The following CLCC1 variants were observed in gnomAD, a reference collection of about 807,000 sequenced individuals.
CLCC1 encodes the protein chloride channel CLIC-like protein 1.
Under a neutral mutation model 63.3 loss-of-function variants are expected in CLCC1, and 39 were observed. That is an observed-to-expected ratio of 0.62 (90% CI 0.48 to 0.81). The LOEUF (loss-of-function observed/expected upper bound fraction) is 0.81. Ranked by LOEUF, CLCC1 falls within the 30% of genes least tolerant of loss-of-function variation. The pLI is 0.00. For synonymous variants in CLCC1, 217 were observed against 239.8 expected, an observed-to-expected ratio of 0.90 and a Z score of 0.88; for missense variants, 549 against 669.4, an observed-to-expected ratio of 0.82 and a Z score of 1.98.
At chr1:108,954,862 C>T (rs839842) in intron 2 of CLCC1, among the ~76,000 whole-genome samples, 60,941 of 143,604 alleles carry the variant, frequency 0.42, 13,012 homozygotes, top group Admixed American at 0.45. Context: ...GACGGAGTTT[C>T]GCTCTTGTCG....
intron 11 of CLCC1, among the ~76,000 whole-genome samples, chr1:108,936,063 G>C (rs987515526): frequency 1.3e-5 from 2 of 148,710 alleles, no homozygotes; most frequent in African/African-American, 5.0e-5. Context: ...AACTATAAAA[G>C]CTGGAAGGAC....
intron 10 of CLCC1, among the ~76,000 whole-genome samples, chr1:108,939,307 T>A (rs974818975): frequency 1.4e-5 from 2 of 146,008 alleles, no homozygotes; most frequent in Non-Finnish European, 3.0e-5. Flanking sequence ...CATATATGTA[T>A]AATTTTTTTT....
At chr1:108,940,173 A>ATTTCTT (rs760148708) in intron 8 of CLCC1, 31 bp from the exon 9 acceptor site, 7 of 1,415,718 alleles carry the variant, frequency 4.9e-6, no homozygotes, top group Non-Finnish European at 6.9e-6. Flanking sequence ...AACACTGATC[A>ATTTCTT]TTTCTTTTAA....
At position 108,930,078 on chromosome 1, in the gene CLCC1, A is replaced by T; in HGVS notation, c.*2469T>A. 1.2e-6 allele frequency: 1 copy of T among 805,300 alleles called. No individual in the cohort carries two copies. 49.9% of individuals were successfully genotyped at this position (805,300 alleles called of 1,614,324 possible). ...ATGATGTAAATAGTTAACCTTCAGTAGTCTATTAAGGCATTAATACTTCTC... is the reference window on the plus strand; with the variant it reads ...ATGATGTAAATAGTTAACCTTCAGTTGTCTATTAAGGCATTAATACTTCTC... On this transcript the variant is annotated 3_prime_UTR_variant, in exon 13 of 13. Transcript: ENST00000369969.
chr1:108,956,523 T>C (rs1001384972), intron 2 of CLCC1, among the ~76,000 whole-genome samples: 5 of 150,702 alleles, frequency 3.3e-5, no homozygotes, highest in Admixed American at 2.0e-4. Context: ...TAGCCGGGCA[T>C]GGTGGCACGC....
rs766839697 is a variant in CLCC1 at position 108,943,434 on chromosome 1, T to C, written c.702+41A>G. 1.9e-6 allele frequency: 3 copies of C among 1,587,256 alleles called. No individual in the cohort carries two copies. In the Admixed American group the frequency reaches 5.1e-5, roughly 27 times the overall value. On this transcript the variant is annotated intron_variant, in intron 7 of 12. Transcript: ENST00000369969. ...GATTAGAGTCTTCTTTCATTGTGAATAAATGTGTTAAAATTGTAAAACCCT... is the reference window on the plus strand; with the variant it reads ...GATTAGAGTCTTCTTTCATTGTGAACAAATGTGTTAAAATTGTAAAACCCT...
intron 8 of CLCC1, among the ~76,000 whole-genome samples, chr1:108,940,977 C>T (rs1432738291): frequency 6.6e-6 from 1 of 151,776 alleles, no homozygotes; most frequent in African/African-American, 2.4e-5. Context: ...TAATTTTTCC[C>T]GTAGTTAAAA....
Position 108,931,002 on chromosome 1 carries a change from T to A in CLCC1, c.*1545A>T, listed in dbSNP as rs2101585636. ...AGGAGGTGGAGGCTGCACTGAGCTA[T>A]GATCGTGCCACTGCACTCCAGCCTG... On this transcript the variant is annotated 3_prime_UTR_variant, in exon 13 of 13. Transcript: ENST00000369969. 5.1e-6 allele frequency: 1 copy of A among 194,446 alleles called. No individual in the cohort carries two copies. Among genetic ancestry groups the A allele is most frequent in the East Asian group, 1.6e-4 (1 of 6,318 alleles). The allele number at this position is 194,446 out of a possible 1,614,324, so 12.0% of individuals were successfully genotyped here. A position where few individuals can be genotyped will look rare whatever the true frequency, so the allele number is the denominator to read the frequency against.
intron 2 of CLCC1, among the ~76,000 whole-genome samples, chr1:108,957,787 C>A (rs1656098684): frequency 6.6e-6 from 1 of 151,272 alleles, no homozygotes; most frequent in African/African-American, 2.5e-5. Context: ...TATAAATATG[C>A]AGGATGAAGC....
chr1:108,959,529 T>C (rs1656363211), intron 2 of CLCC1, among the ~76,000 whole-genome samples: 1 of 152,212 alleles, frequency 6.6e-6, no homozygotes, highest in African/African-American at 2.4e-5. Context: ...CTGTTATTAT[T>C]GTGTATTGTT....
In CLCC1 at chr1:108,929,877, CT is replaced by C. The variant is rs772268313; in HGVS notation, c.*2669del. 1.4e-5 allele frequency: 22 copies of C among 1,613,770 alleles called. No individual in the cohort carries two copies. Among genetic ancestry groups the C allele is most frequent in the Non-Finnish European group, 1.9e-5 (22 of 1,179,740 alleles). ...GAGACACTGACTTTGGGCTAAAGGA[CT>C]TTTTGCAAAATAATGCTTTGTTGGA... On this transcript the variant is annotated 3_prime_UTR_variant, in exon 13 of 13. Transcript: ENST00000369969.
chr1:108,955,826 A>C (rs1245645346), intron 2 of CLCC1, among the ~76,000 whole-genome samples: 1 of 151,560 alleles, frequency 6.6e-6, no homozygotes, highest in Non-Finnish European at 1.5e-5. Flanking sequence ...TTGGAATCCC[A>C]GACTTAAACC....
At chr1:108,963,314 T>TA (rs1557902532) in intron 1 of CLCC1, 47 bp downstream of exon 1, 1 of 652,932 alleles carries the variant, frequency 1.5e-6, no homozygotes, top group Non-Finnish European at 2.8e-6. Context: ...TAACGGCGGG[T>TA]AACCCGCCCC....
chr1:108,940,431 CACAAAT>C (rs1257310328), intron 8 of CLCC1, among the ~76,000 whole-genome samples: 2 of 152,066 alleles, frequency 1.3e-5, no homozygotes, highest in Admixed American at 1.3e-4. Flanking sequence ...GCTTCACAAA[CACAAAT>C]GAGTACAGGT....
At chr1:108,933,852 C>A (rs1358572130) in intron 12 of CLCC1, 1 of 152,096 alleles carries the variant, frequency 6.6e-6, no homozygotes, top group Non-Finnish European at 1.5e-5. Context: ...TGCAAACTTC[C>A]TATGGACAAG....
chr1:108,939,900 C>A (rs1200031075), intron 9 of CLCC1, 118 bp from the exon 10 acceptor site: 2 of 1,320,754 alleles, frequency 1.5e-6, no homozygotes, highest in African/African-American at 1.5e-5. Flanking sequence ...TGCTGTTGTG[C>A]CATTTTTAAT....
intron 12 of CLCC1, chr1:108,933,527 C>T (rs1001802522): frequency 6.6e-6 from 1 of 152,180 alleles, no homozygotes; most frequent in Non-Finnish European, 1.5e-5. Flanking sequence ...AATAAAAAAG[C>T]AAGTGCTTGG....
chr1:108,950,537 T>TTA, intron 2 of CLCC1, 89 bp from the exon 3 acceptor site: 1 of 740,672 alleles, frequency 1.4e-6, no homozygotes, highest in Non-Finnish European at 1.8e-6. Flanking sequence ...ATTATTATTT[T>TTA]TAGAGACAGG....
intron 2 of CLCC1, among the ~76,000 whole-genome samples, chr1:108,955,527 T>C (rs1655774806): frequency 6.6e-6 from 1 of 151,470 alleles, no homozygotes. Flanking sequence ...CTGCTTCTAC[T>C]TCACTTTGGA....
Sources: allele counts gnomAD v4.1 joint callset (sites outside exome capture counted in the v4.1 genomes callset), GRCh38; gene constraint gnomAD v4.1.1; transcripts MANE v1.5; gene names NCBI Gene and HGNC (gene_info 2026-07-23, HGNC 2026-07-21).